BRAF: variants seen among roughly 807,000 people sequenced by gnomAD.
BRAF encodes the protein serine/threonine-protein kinase B-raf.
BRAF carries 16 observed loss-of-function variants against 104.6 expected under a neutral mutation model. The observed-to-expected ratio is 0.15, with a 90% confidence interval of 0.10 to 0.23. The LOEUF is 0.23. Among genes scored for constraint, BRAF ranks in the 10% least tolerant of loss-of-function variants. The probability of loss-of-function intolerance (pLI) is 1.00; values close to 1 mark genes in which losing one functional copy is unlikely to be tolerated. For synonymous variants in BRAF, 310 were observed against 341.6 expected (o/e 0.91, Z 1.02); for missense variants, 541 against 937.3 (o/e 0.58, Z 5.52).
At chr7:140,911,933 A>G (rs1285215283) in intron 1 of BRAF, among the ~76,000 whole-genome samples, 1 of 152,222 alleles carries the variant, frequency 6.6e-6, no homozygotes, top group Non-Finnish European at 1.5e-5. Flanking sequence ...TGGGCAAGTT[A>G]CATTTAACTC....
chr7:140,825,148 T>G (rs1476973686), intron 3 of BRAF, among the ~76,000 whole-genome samples: 1 of 151,908 alleles, frequency 6.6e-6, no homozygotes, highest in East Asian at 1.9e-4. Context: ...TTTTGCATTT[T>G]TAGTAAAGAT....
intron 14 of BRAF, among the ~76,000 whole-genome samples, chr7:140,761,275 A>C (rs1281198230): frequency 7.9e-5 from 12 of 152,182 alleles, no homozygotes; most frequent in South Asian, 4.1e-4. Context: ...AGAATTTCAT[A>C]TCCAGCCAAA....
At chr7:140,918,007 A>G (rs1478404480) in intron 1 of BRAF, among the ~76,000 whole-genome samples, 1 of 152,198 alleles carries the variant, frequency 6.6e-6, no homozygotes, top group East Asian at 1.9e-4. Flanking sequence ...AATATTTGCC[A>G]TCTGACCCTT....
Position 140,749,421 on chromosome 7 carries a change from G to A in BRAF, c.1981-3C>T, listed in dbSNP as rs1797607274. The A allele has an allele frequency of 6.2e-7, 1 of 1,612,502 alleles. No homozygotes were observed. Among genetic ancestry groups the A allele is most frequent in the Non-Finnish European group, 8.5e-7 (1 of 1,179,172 alleles). ...TGCATTCTGATGACTTCTGGTGCCT[G>A]TTAGAACATACAAAGAAAAATATTC... On this transcript the variant is annotated splice_region_variant and splice_polypyrimidine_tract_variant and intron_variant, in intron 16 of 19. Transcript: ENST00000644969.
At chr7:140,809,400 T>C (rs1803988306) in intron 3 of BRAF, among the ~76,000 whole-genome samples, 1 of 152,176 alleles carries the variant, frequency 6.6e-6, no homozygotes, top group South Asian at 2.1e-4. Flanking sequence ...ACACTGACTG[T>C]CCTTAAGAGA....
At chr7:140,735,879 A>C (rs1796371057) in intron 18 of BRAF, among the ~76,000 whole-genome samples, 1 of 152,090 alleles carries the variant, frequency 6.6e-6, no homozygotes, top group Admixed American at 6.5e-5. Context: ...TTAAAAGTTA[A>C]ATTTTTTTTA....
chr7:140,788,744 A>G (rs914908518), intron 8 of BRAF, among the ~76,000 whole-genome samples: 1 of 151,974 alleles, frequency 6.6e-6, no homozygotes, highest in South Asian at 2.1e-4. Context: ...ACGCACCACC[A>G]TGCCTGGCTA....
intron 14 of BRAF, 74 bp from the exon 14 acceptor site, chr7:140,754,307 G>T: frequency 7.5e-7 from 1 of 1,329,508 alleles, no homozygotes; most frequent in South Asian, 1.2e-5. Flanking sequence ...GAACATACTT[G>T]GGGGTGTAAA....
rs777488164 is a variant in BRAF, at chr7:140,875,977, C to T, written c.139-25765G>A. Among the ~76,000 whole-genome samples, 35 of 152,138 alleles carry T rather than the reference C, an allele frequency of 2.3e-4. 1 individual carries two copies. Among genetic ancestry groups the T allele is most frequent in the African/African-American group, 1.7e-4 (7 of 41,446 alleles). Reference sequence around the variant, plus strand: ...TCCTCACACAGAAGGGAAATAATACCGGAAGGAAACCTGGAAGAGTAGGTT... The same window carrying T: ...TCCTCACACAGAAGGGAAATAATACTGGAAGGAAACCTGGAAGAGTAGGTT... On this transcript the variant is annotated intron_variant, in intron 1 of 19. Coordinates refer to ENST00000644969, the MANE Select transcript of BRAF (RefSeq NM_001374258.1).
chr7:140,752,038 T>C (rs930392910), intron 16 of BRAF, among the ~76,000 whole-genome samples: 4 of 152,236 alleles, frequency 2.6e-5, no homozygotes, highest in East Asian at 1.9e-4. Context: ...AGGTAGATTA[T>C]ATCTGTGGAT....
chr7:140,864,355 T>C (rs1164562707), intron 1 of BRAF, among the ~76,000 whole-genome samples: 1 of 152,220 alleles, frequency 6.6e-6, no homozygotes, highest in Non-Finnish European at 1.5e-5. Context: ...GAAATTCTGA[T>C]GTGTGCAACG....
chr7:140,801,024 G>A (rs952681159), intron 6 of BRAF: 10 of 213,346 alleles, frequency 4.7e-5, no homozygotes, highest in Non-Finnish European at 7.5e-5. Context: ...GAAGGAGAGA[G>A]AGGAAGAATA....
intron 17 of BRAF, among the ~76,000 whole-genome samples, chr7:140,745,677 C>T (rs759528818): frequency 2.6e-5 from 4 of 152,160 alleles, no homozygotes; most frequent in Non-Finnish European, 4.4e-5. Flanking sequence ...CAGTATCACC[C>T]CCAGCACGGC....
At chr7:140,809,874 A>G (rs926015983) in intron 3 of BRAF, among the ~76,000 whole-genome samples, 4 of 149,040 alleles carry the variant, frequency 2.7e-5, no homozygotes, top group South Asian at 2.1e-4. Context: ...AGGGAAAGGG[A>G]AAAAAAAAGT....
chr7:140,899,001 C>T (rs1266441516), intron 1 of BRAF, among the ~76,000 whole-genome samples: 1 of 151,920 alleles, frequency 6.6e-6, no homozygotes, highest in Non-Finnish European at 1.5e-5. Flanking sequence ...GTTTTTTGTT[C>T]CATAAGTAAA....
chr7:140,788,554 G>C (rs548622266), intron 8 of BRAF, among the ~76,000 whole-genome samples: 2 of 152,146 alleles, frequency 1.3e-5, no homozygotes, highest in South Asian at 4.1e-4. Flanking sequence ...CACTAGAAGA[G>C]GAAAGAAACA....
chr7:140,788,078 C>T lies in BRAF; in HGVS notation c.1141-494G>A, dbSNP rs71645957. 1.1e-3 allele frequency among the ~76,000 whole-genome samples: 168 copies of T among 152,166 alleles called. 4 individuals are homozygous for T. In the East Asian group the frequency reaches 0.03, roughly 27 times the overall value. ...TAATGGGATAATCTGTGTGGCAAAC[C>T]GCTGTGGCACATGTTGACCTACGTA... On this transcript the variant is annotated intron_variant, in intron 8 of 19. Coordinates refer to ENST00000644969, the MANE Select transcript of BRAF (RefSeq NM_001374258.1).
chr7:140,787,407 C>A (rs185045144), intron 9 of BRAF, 141 bp downstream of exon 9: 3 of 688,512 alleles, frequency 4.4e-6, no homozygotes, highest in South Asian at 1.8e-5. Context: ...ACAAACACTA[C>A]AGAAAAACAA....
chr7:140,758,960 A>T (rs1351184747), intron 14 of BRAF, among the ~76,000 whole-genome samples: 3 of 152,218 alleles, frequency 2.0e-5, no homozygotes, highest in African/African-American at 4.8e-5. Flanking sequence ...GAAACCATTG[A>T]TAATGACTTC....
Sources: allele counts gnomAD v4.1 joint callset (sites outside exome capture counted in the v4.1 genomes callset), GRCh38; gene constraint gnomAD v4.1.1; transcripts MANE v1.5; gene names NCBI Gene and HGNC (gene_info 2026-07-23, HGNC 2026-07-21).